TBX4: variants seen among roughly 807,000 people sequenced by gnomAD.
TBX4 encodes the protein T-box transcription factor TBX4.
In TBX4, 13 loss-of-function variants were observed where a neutral mutation model predicts 54.6. The ratio of observed to expected loss-of-function variants is 0.24; its 90% CI spans 0.15 to 0.38. The LOEUF (loss-of-function observed/expected upper bound fraction) is 0.38, where lower values mean the gene tolerates loss of function less well. Among genes scored for constraint, TBX4 ranks in the 10% least tolerant of loss-of-function variants. The pLI is 1.00. For synonymous variants in TBX4, 314 were observed against 306.7 expected (o/e 1.02, Z -0.25); for missense variants, 631 against 728.5 (o/e 0.87, Z 1.54).
intron 2 of TBX4, 137 bp downstream of exon 2, chr17:61,456,813 T>C: frequency 1.6e-6 from 1 of 632,440 alleles, no homozygotes; most frequent in Non-Finnish European, 2.3e-6. Flanking sequence ...GTCTGCCCGT[T>C]CGTTCTCCAC....
chr17:61,465,658 AG>A lies in TBX4; in HGVS notation c.282-156del. The A allele has an allele frequency of 1.1e-6, 1 of 884,458 alleles. No homozygotes were observed. Among genetic ancestry groups the A allele is most frequent in the Non-Finnish European group, 1.8e-6 (1 of 549,868 alleles). 54.8% of individuals were successfully genotyped at this position (884,458 alleles called of 1,614,324 possible). A position where few individuals can be genotyped will look rare whatever the true frequency, so the allele number is the denominator to read the frequency against. On this transcript the variant is annotated intron_variant, in intron 3 of 8. Transcript: ENST00000644296. This position sits in a 1 kb window ranked among gnomAD's most constrained non-coding sequence, Gnocchi z 4.9. ...CCTTTTCACTGTGCAGCTCGGGCAGAGGGGGAAGTGAGTTGTGCAGGTCACA... is the reference window on the plus strand; with the variant it reads ...CCTTTTCACTGTGCAGCTCGGGCAGAGGGGAAGTGAGTTGTGCAGGTCACA...
chr17:61,467,699 G>A lies in TBX4; in HGVS notation c.549+42G>A, dbSNP rs368335149. 4.9e-5 allele frequency: 79 copies of A among 1,613,514 alleles called. 1 individual carries two copies. The African/African-American group carries it at 8.8e-4, about 18-fold the overall frequency. On this transcript the variant is annotated intron_variant, in intron 5 of 8. Coordinates refer to ENST00000644296, the MANE Select transcript of TBX4 (RefSeq NM_001321120.2). ...CCTGGCCCCAGGAGGCAAGTCTGGG[G>A]CAGTTTTAGGGGTGGGACAGGCCAG...
At position 61,456,619 on chromosome 17, in the gene TBX4, G is replaced by C; in HGVS notation, c.129G>C (p.Ala43=). 7.1e-7 allele frequency: 1 copy of C among 1,409,028 alleles called. No homozygotes were observed. The highest frequency in any genetic ancestry group is 9.2e-7 in the Non-Finnish European group (1 of 1,081,998). The allele number at this position is 1,409,028 out of a possible 1,614,324, so 87.3% of individuals were successfully genotyped here. ...ALAAPGLSGA[A]LGSPPGPGAD... ...CAGCGCCGGGCCTCAGCGGAGCCGCGCTAGGCAGCCCCCCGGGACCCGGGG... is the reference window on the plus strand; with the variant it reads ...CAGCGCCGGGCCTCAGCGGAGCCGCCCTAGGCAGCCCCCCGGGACCCGGGG... Residue 43 remains alanine, a synonymous_variant, in exon 2 of 9, where the codon GCG becomes GCC. Transcript: ENST00000644296.
At position 61,460,330 on chromosome 17, in the gene TBX4, G is replaced by A. The variant is rs1032142381; in HGVS notation, c.281+2699G>A. ...TGGGTAGGAGCAGGCCCTGGAAAAG[G>A]GGAGCCAGAATGTTCTCAAGCCAGG... is the stretch of plus-strand genomic sequence containing the variant. On this transcript the variant is annotated intron_variant, in intron 3 of 8. Transcript: ENST00000644296. This position sits in a 1 kb window ranked among gnomAD's most constrained non-coding sequence, Gnocchi z 4.4. 2 of 152,238 alleles carry A rather than the reference G, an allele frequency of 1.3e-5. No individual in the cohort carries two copies. Among genetic ancestry groups the A allele is most frequent in the Non-Finnish European group, 2.9e-5 (2 of 68,072 alleles). The allele number at this position is 152,238 out of a possible 1,614,324, so 9.4% of individuals were successfully genotyped here.
chr17:61,478,392 C>T lies in TBX4; in HGVS notation c.550-235C>T, dbSNP rs2060637793. 2 of 587,280 alleles carry T rather than the reference C, an allele frequency of 3.4e-6. No homozygotes were observed. The highest frequency in any genetic ancestry group is 6.0e-6 in the Non-Finnish European group (2 of 331,570). The allele number at this position is 587,280 out of a possible 1,614,324, so 36.4% of individuals were successfully genotyped here. ...AATCAACTGGTCACATCAAGGAGGG[C>T]CTGGAGCTGGGCATTAGTGCTGGTG... On this transcript the variant is annotated intron_variant, in intron 5 of 8. Coordinates refer to ENST00000644296, the MANE Select transcript of TBX4 (RefSeq NM_001321120.2). This position sits in a 1 kb window ranked among gnomAD's most constrained non-coding sequence, Gnocchi z 7.4.
rs2143860762 is a variant in TBX4 at position 61,479,866 on chromosome 17, G to C, written c.703-15G>C. On this transcript the variant is annotated splice_polypyrimidine_tract_variant and intron_variant, in intron 6 of 8. Coordinates refer to ENST00000644296, the MANE Select transcript of TBX4 (RefSeq NM_001321120.2). The surrounding 1 kb of genome is among the most constrained non-coding windows in gnomAD (Gnocchi z 6.1). ...GTGCCTCACACTGGTGACCCTATGT[G>C]TTTTCTCCCCACAGATCACCCAGCT... The C allele has an allele frequency of 6.2e-7, 1 of 1,613,874 alleles. No individual in the cohort carries two copies. Among genetic ancestry groups the C allele is most frequent in the Non-Finnish European group, 8.5e-7 (1 of 1,179,770 alleles).
At chr17:61,468,603 A>G (rs1198837771) in intron 5 of TBX4, among the ~76,000 whole-genome samples, 1 of 152,190 alleles carries the variant, frequency 6.6e-6, no homozygotes, top group Non-Finnish European at 1.5e-5. Context: ...ATTGATGGGT[A>G]TGTAACTGGC....
At position 61,455,850 on chromosome 17, in the gene TBX4, G is replaced by T. The variant is rs73334544; in HGVS notation, c.-3-638G>T. The stretch of plus-strand genomic sequence containing the variant: ...TGTGTTTGGGTGTGAGGATGTCTGT[G>T]CCAGAACGGGAAGAGGATGTGTGTG... On this transcript the variant is annotated intron_variant, in intron 1 of 8. Coordinates refer to ENST00000644296, the MANE Select transcript of TBX4 (RefSeq NM_001321120.2). Among the ~76,000 whole-genome samples, 182 of 152,314 alleles carry T rather than the reference G, an allele frequency of 1.2e-3. 1 individual carries two copies. The highest frequency in any genetic ancestry group is 4.2e-3 in the African/African-American group (173 of 41,560).
intron 4 of TBX4, among the ~76,000 whole-genome samples, chr17:61,466,153 G>A (rs3744446): frequency 6.6e-6 from 1 of 152,036 alleles, no homozygotes; most frequent in Non-Finnish European, 1.5e-5. Flanking sequence ...GGGCTGAAAA[G>A]CAGCTGCGTG....
rs961024229 is a variant in TBX4, at chr17:61,472,534, T to A, written c.549+4877T>A. 2.0e-5 allele frequency among the ~76,000 whole-genome samples: 3 copies of A among 152,234 alleles called. No homozygotes were observed. Among genetic ancestry groups the A allele is most frequent in the Non-Finnish European group, 4.4e-5 (3 of 68,042 alleles). ...ATAAATTAGGAGGATGTAGCTCTTA[T>A]CTGTGATGAGTTACACATGTCCAGG... On this transcript the variant is annotated intron_variant, in intron 5 of 8. Coordinates refer to ENST00000644296, the MANE Select transcript of TBX4 (RefSeq NM_001321120.2). This position sits in a 1 kb window ranked among gnomAD's most constrained non-coding sequence, Gnocchi z 4.5.
Position 61,456,490 on chromosome 17 carries a change from G to C in TBX4, c.-1G>C, listed in dbSNP as rs1275020914. On this transcript the variant is annotated splice_region_variant and 5_prime_UTR_variant, in exon 2 of 9. Transcript: ENST00000644296. ...CTCGTTGTGTGCTGTGCCCGCAGGA[G>C]ATGCTGCAGGATAAGGGCCTGTCCG... The C allele has an allele frequency of 6.4e-7, 1 of 1,568,586 alleles. No homozygotes were observed. The highest frequency in any genetic ancestry group is 8.6e-7 in the Non-Finnish European group (1 of 1,157,268).
In TBX4 at chr17:61,479,992, TG is replaced by T. The variant is rs1264681120; in HGVS notation, c.791+27del. On this transcript the variant is annotated intron_variant, in intron 7 of 8. Coordinates refer to ENST00000644296, the MANE Select transcript of TBX4 (RefSeq NM_001321120.2). The surrounding 1 kb of genome is among the most constrained non-coding windows in gnomAD (Gnocchi z 6.1). ...GAGGTGGGGCTGCGTAGCCTGGGGG[TG>T]GGGCGGGCAGATGGGATTCAGGCAC... The T allele has an allele frequency of 6.2e-7, 1 of 1,611,446 alleles. No homozygotes were observed. Among genetic ancestry groups the T allele is most frequent in the Non-Finnish European group, 8.5e-7 (1 of 1,179,142 alleles).
At chr17:61,454,801 G>C (rs1381677292) in intron 1 of TBX4, among the ~76,000 whole-genome samples, 1 of 152,212 alleles carries the variant, frequency 6.6e-6, no homozygotes, top group Non-Finnish European at 1.5e-5. Context: ...TGTGACAAGA[G>C]CCCAGCAGAG....
intron 1 of TBX4, among the ~76,000 whole-genome samples, chr17:61,456,157 G>T (rs1234669045): frequency 2.0e-5 from 3 of 152,224 alleles, no homozygotes; most frequent in Admixed American, 1.3e-4. Context: ...CTCCACCGGA[G>T]CTCAGTAGGA....
chr17:61,468,104 C>T lies in TBX4; in HGVS notation c.549+447C>T, dbSNP rs149315695. Among the ~76,000 whole-genome samples the T allele has an allele frequency of 6.1e-3, 927 of 152,312 alleles. 8 individuals carry two copies. Among genetic ancestry groups the T allele is most frequent in the Non-Finnish European group, 0.01 (695 of 68,030 alleles). On this transcript the variant is annotated intron_variant, in intron 5 of 8. Coordinates refer to ENST00000644296, the MANE Select transcript of TBX4 (RefSeq NM_001321120.2). ...CACAAGAGGGGTAAGCCTTTTCGAG[C>T]GAGAGTCACGGATATGTTCCAAAGC...
At position 61,483,240 on chromosome 17, in the gene TBX4, G is replaced by A. The variant is rs2060678416; in HGVS notation, c.1365G>A (p.Arg455=). The change falls in exon 9 of 9, where the codon CGG becomes CGA. Residue 455 remains arginine, a synonymous_variant. Coordinates refer to ENST00000644296, the MANE Select transcript of TBX4 (RefSeq NM_001321120.2). This position sits in a 1 kb window ranked among gnomAD's most constrained non-coding sequence, Gnocchi z 6.6. ...TCACCGCCACCACCATGATGCCGCGGCTGCCCACCCTCTCCGCTCAGAGCT... is the reference window on the plus strand; with the variant it reads ...TCACCGCCACCACCATGATGCCGCGACTGCCCACCCTCTCCGCTCAGAGCT... ...THFTATTMMP[R]LPTLSAQSSQ... The A allele has an allele frequency of 1.2e-6, 2 of 1,614,034 alleles. No individual in the cohort carries two copies. The highest frequency in any genetic ancestry group is 8.5e-7 in the Non-Finnish European group (1 of 1,180,026).
rs890725239 is a variant in TBX4 at position 61,464,828 on chromosome 17, C to T, written c.282-991C>T. On this transcript the variant is annotated intron_variant, in intron 3 of 8. Transcript: ENST00000644296. The surrounding 1 kb of genome is among the most constrained non-coding windows in gnomAD (Gnocchi z 5.8). Reference sequence around the variant, plus strand: ...GTGCGGAAGCCCCCTCTAGAATGTGCCTCGAACCTCAGGGCCCTTGACAGC... The same window carrying T: ...GTGCGGAAGCCCCCTCTAGAATGTGTCTCGAACCTCAGGGCCCTTGACAGC... 1.3e-5 allele frequency among the ~76,000 whole-genome samples: 2 copies of T among 152,164 alleles called. No individual in the cohort carries two copies. Among genetic ancestry groups the T allele is most frequent in the African/African-American group, 4.8e-5 (2 of 41,428 alleles).
chr17:61,470,927 G>A (rs544351067), intron 5 of TBX4, among the ~76,000 whole-genome samples: 1 of 152,326 alleles, frequency 6.6e-6, no homozygotes, highest in Admixed American at 6.5e-5. Flanking sequence ...AGTCAGGGAG[G>A]GCCTCACTGG....
In TBX4 at chr17:61,462,430, T is replaced by C. The variant is rs2060502111; in HGVS notation, c.282-3389T>C. Among the ~76,000 whole-genome samples, 1 of 151,792 alleles carries C rather than the reference T, an allele frequency of 6.6e-6. No homozygotes were observed. The highest frequency in any genetic ancestry group is 1.5e-5 in the Non-Finnish European group (1 of 67,950). On this transcript the variant is annotated intron_variant, in intron 3 of 8. Transcript: ENST00000644296. This position sits in a 1 kb window ranked among gnomAD's most constrained non-coding sequence, Gnocchi z 4.5. ...AACTGGGGGAGCATGGAGAGGGCGCTTGGGGCGCGGAGAGAAGGTGCGGGG... is the reference window on the plus strand; with the variant it reads ...AACTGGGGGAGCATGGAGAGGGCGCCTGGGGCGCGGAGAGAAGGTGCGGGG...
Sources: gnomAD v4.1 joint callset for allele counts (sites outside exome capture counted in the v4.1 genomes callset) on GRCh38, gnomAD v4.1.1 for gene constraint, Gnocchi (gnomAD v3.1) non-coding constraint, MANE v1.5 for transcripts, NCBI Gene and HGNC (gene_info 2026-07-23, HGNC 2026-07-21) for gene names.